RMDN2: variants seen among roughly 807,000 people sequenced by gnomAD.
The protein encoded by RMDN2 is regulator of microtubule dynamics protein 2.
In RMDN2, 61 loss-of-function variants were observed where a neutral mutation model predicts 52.8. The observed-to-expected ratio is 1.16, with a 90% CI of 0.94 to 1.43. RMDN2 has a LOEUF of 1.43. Ranked by LOEUF, RMDN2 falls within the 40% of genes most tolerant of loss-of-function variation. The pLI is 0.00. For synonymous variants in RMDN2, 180 were observed against 153.1 expected (o/e 1.18, Z -1.30); for missense variants, 592 against 475.3 (o/e 1.25, Z -2.28).
At chr2:37,964,104 G>A (rs1038677809) in intron 2 of RMDN2, among the ~76,000 whole-genome samples, 4 of 151,358 alleles carry the variant, frequency 2.6e-5, no homozygotes, top group Admixed American at 1.3e-4. Context: ...CAGACGGGGC[G>A]GCTGCCAGAT....
At chr2:37,989,825 A>G (rs887785833) in intron 6 of RMDN2, among the ~76,000 whole-genome samples, 3 of 152,214 alleles carry the variant, frequency 2.0e-5, no homozygotes, top group Admixed American at 6.5e-5. Flanking sequence ...GACAAAAAGA[A>G]TTAAATTATT....
intron 8 of RMDN2, among the ~76,000 whole-genome samples, chr2:38,000,210 A>T (rs1480627456): frequency 6.6e-6 from 1 of 152,064 alleles, no homozygotes; most frequent in Non-Finnish European, 1.5e-5. Context: ...ACCTCATCCA[A>T]AATTCTGGCA....
At chr2:37,953,973 A>T (rs1669151514) in intron 2 of RMDN2, among the ~76,000 whole-genome samples, 1 of 151,878 alleles carries the variant, frequency 6.6e-6, no homozygotes, top group Admixed American at 6.6e-5. Flanking sequence ...TTTTCGTGTG[A>T]CTGCTGCCCA....
chr2:38,066,100 G>C (rs1682267637), intron 10 of RMDN2, among the ~76,000 whole-genome samples: 1 of 152,184 alleles, frequency 6.6e-6, no homozygotes, highest in Non-Finnish European at 1.5e-5. Flanking sequence ...GGGAAAATCT[G>C]GATGAGAATA....
chr2:38,008,698 A>G (rs1461054426), intron 10 of RMDN2, among the ~76,000 whole-genome samples: 1 of 152,188 alleles, frequency 6.6e-6, no homozygotes, highest in African/African-American at 2.4e-5. Flanking sequence ...CATTTAGCCC[A>G]TTTACATTTA....
At chr2:37,997,357 A>C in intron 7 of RMDN2, 59 bp from the exon 8 acceptor site, 1 of 1,009,106 alleles carries the variant, frequency 9.9e-7, no homozygotes, top group Non-Finnish European at 1.6e-6. Context: ...AACTGGGGAG[A>C]GATAATCCAT....
chr2:37,975,338 C>G, intron 4 of RMDN2, 24 bp downstream of exon 4: 2 of 1,314,296 alleles, frequency 1.5e-6, no homozygotes, highest in Non-Finnish European at 2.2e-6. Flanking sequence ...AAAGATTATT[C>G]TCAAGTAGCA....
intron 5 of RMDN2, among the ~76,000 whole-genome samples, chr2:37,985,253 T>C (rs1184170795): frequency 2.0e-5 from 3 of 152,154 alleles, no homozygotes; most frequent in African/African-American, 7.2e-5. Context: ...TATAGACCAG[T>C]GAACATAGCA....
chr2:38,052,344 A>G (rs1681655776), intron 10 of RMDN2, among the ~76,000 whole-genome samples: 1 of 151,882 alleles, frequency 6.6e-6, no homozygotes, highest in Non-Finnish European at 1.5e-5. Flanking sequence ...GTATATTCAG[A>G]TCCTTTGCCC....
At chr2:37,986,961 A>G (rs1194233444) in intron 5 of RMDN2, among the ~76,000 whole-genome samples, 1 of 152,058 alleles carries the variant, frequency 6.6e-6, no homozygotes, top group African/African-American at 2.4e-5. Context: ...TTAACATTAT[A>G]CTGAAAGTTC....
At chr2:38,035,782 A>C (rs1225077084) in intron 10 of RMDN2, 1 of 152,204 alleles carries the variant, frequency 6.6e-6, no homozygotes, top group African/African-American at 2.4e-5. Flanking sequence ...AGCATCTTCA[A>C]CTTAGTTTTC....
intron 5 of RMDN2, among the ~76,000 whole-genome samples, chr2:37,981,721 C>T (rs1558507163): frequency 6.6e-6 from 1 of 151,972 alleles, no homozygotes. Flanking sequence ...ATTGATGCAT[C>T]GTAATATACA....
chr2:38,054,782 A>T (rs1681786835), intron 10 of RMDN2, among the ~76,000 whole-genome samples: 1 of 152,068 alleles, frequency 6.6e-6, no homozygotes, highest in Non-Finnish European at 1.5e-5. Flanking sequence ...CATGCAGTCA[A>T]ACTACCCAGT....
intron 2 of RMDN2, chr2:37,950,294 T>A (rs1162358201): frequency 1.7e-6 from 1 of 588,490 alleles, no homozygotes; most frequent in Non-Finnish European, 3.0e-6. Context: ...TTCCCACCCC[T>A]GGATTTGTTG....
intron 2 of RMDN2, among the ~76,000 whole-genome samples, chr2:37,955,174 G>A (rs2124983897): frequency 6.6e-6 from 1 of 151,976 alleles, no homozygotes; most frequent in East Asian, 1.9e-4. Context: ...TTTCTAATTT[G>A]GATGCCTTTA....
In RMDN2 at chr2:37,989,584, C is replaced by CA; in HGVS notation, c.839dup (p.Asn280LysfsTer44). 6.2e-7 allele frequency: 1 copy of CA among 1,608,962 alleles called. No individual in the cohort carries two copies. Among genetic ancestry groups the CA allele is most frequent in the East Asian group, 2.2e-5 (1 of 44,720 alleles). ...CTATGTATCTGAGTTTGAGGGTTTA[C>CA]AAAACAAAATCAACTATGGGCACCT... On this transcript the variant is annotated frameshift_variant, in exon 6 of 11. Transcript: ENST00000354545. LOFTEE classifies it high-confidence loss of function.
chr2:37,954,923 G>A (rs958735230), intron 2 of RMDN2, among the ~76,000 whole-genome samples: 1 of 151,994 alleles, frequency 6.6e-6, no homozygotes, highest in African/African-American at 2.4e-5. Context: ...CCTTAGTTAA[G>A]TTTATTTCTA....
intron 2 of RMDN2, among the ~76,000 whole-genome samples, chr2:37,932,483 C>G (rs1467340584): frequency 1.3e-5 from 2 of 150,522 alleles, no homozygotes; most frequent in African/African-American, 4.9e-5. Context: ...GACACGGCAA[C>G]CATCCGATTT....
chr2:38,017,475 A>AT lies in RMDN2; in HGVS notation c.*241dup. 1 of 1,122,558 alleles carries AT rather than the reference A, an allele frequency of 8.9e-7. No individual in the cohort carries two copies. Among genetic ancestry groups the AT allele is most frequent in the Non-Finnish European group, 1.2e-6 (1 of 846,970 alleles). The allele number at this position is 1,122,558 out of a possible 1,614,324, so 69.5% of individuals were successfully genotyped here. On this transcript the variant is annotated 3_prime_UTR_variant, in exon 11 of 11. Coordinates refer to ENST00000354545, the MANE Select transcript of RMDN2 (RefSeq NM_001170791.3). ...TAATCTATAAACATGTATGCTTTAT[A>AT]TTTTTCTTATCAATAAACTGCAGCC... is the stretch of plus-strand genomic sequence containing the variant.
Sources: allele counts gnomAD v4.1 joint callset (sites outside exome capture counted in the v4.1 genomes callset), GRCh38; gene constraint gnomAD v4.1.1; transcripts MANE v1.5; gene names NCBI Gene and HGNC (gene_info 2026-07-23, HGNC 2026-07-21).